Variants in HTR7 observed in about 807,000 individuals in gnomAD.
The protein encoded by HTR7 is 5-HT-7.
HTR7 carries 16 observed loss-of-function variants against 34.0 expected under a neutral mutation model. That is an observed-to-expected ratio of 0.47 (90% CI 0.32 to 0.71). HTR7 has a LOEUF of 0.71. HTR7 is among the 30% of genes least tolerant of loss of function. The pLI is 0.04. For missense variants in HTR7, 504 were observed against 625.5 expected (o/e 0.81, Z 2.07); for synonymous variants, 265 against 260.2 (o/e 1.02, Z -0.18).
At chr10:90,817,970 C>T (rs79576879) in intron 1 of HTR7, among the ~76,000 whole-genome samples, 9,317 of 152,256 alleles carry the variant, frequency 0.061, 361 homozygotes, top group Non-Finnish European at 0.094. Context: ...CAAAAGAATA[C>T]ATATTTTATG....
In HTR7 at chr10:90,783,433, T is replaced by G. The variant is rs149334909; in HGVS notation, c.540-33839A>C. On this transcript the variant is annotated intron_variant, in intron 1 of 3. Coordinates refer to ENST00000336152, the MANE Select transcript of HTR7 (RefSeq NM_019859.4). ...AGAATGCAGCCTTTATATTCAAAGT[T>G]CTGGGTCGCCAGAAATCAGCACCTA... Among the ~76,000 whole-genome samples the G allele has an allele frequency of 2.0e-3, 299 of 152,280 alleles. 1 individual carries two copies. The highest frequency in any genetic ancestry group is 3.4e-3 in the Non-Finnish European group (229 of 68,028).
At chr10:90,743,860 A>C in intron 2 of HTR7, 170 bp from the exon 3 acceptor site, 1 of 726,428 alleles carries the variant, frequency 1.4e-6, no homozygotes, top group South Asian at 1.5e-5. Flanking sequence ...CCAGTGCAAA[A>C]GTATTCACAG....
intron 1 of HTR7, among the ~76,000 whole-genome samples, chr10:90,831,519 T>C (rs918241657): frequency 3.3e-5 from 5 of 152,184 alleles, no homozygotes; most frequent in African/African-American, 1.2e-4. Flanking sequence ...AGTAGCAAGA[T>C]CTATTGCAAA....
At chr10:90,833,448 C>A (rs551434692) in intron 1 of HTR7, among the ~76,000 whole-genome samples, 102 of 152,264 alleles carry the variant, frequency 6.7e-4, no homozygotes, top group African/African-American at 2.4e-3. Flanking sequence ...ATTATCTAAG[C>A]CTTTCCTTAT....
intron 1 of HTR7, among the ~76,000 whole-genome samples, chr10:90,844,293 G>C (rs1264487156): frequency 6.6e-6 from 1 of 152,160 alleles, no homozygotes; most frequent in Non-Finnish European, 1.5e-5. Flanking sequence ...AAATATGGAT[G>C]CATGAGTCCC....
intron 1 of HTR7, among the ~76,000 whole-genome samples, chr10:90,820,819 G>GT (rs1255969718): frequency 6.6e-6 from 1 of 152,118 alleles, no homozygotes; most frequent in Non-Finnish European, 1.5e-5. Flanking sequence ...TTGAAAAATA[G>GT]TAAGTGGAAC....
At chr10:90,768,343 G>A (rs1845054287) in intron 1 of HTR7, among the ~76,000 whole-genome samples, 1 of 152,026 alleles carries the variant, frequency 6.6e-6, no homozygotes, top group Non-Finnish European at 1.5e-5. Context: ...TTCTTTTAAT[G>A]TTATTTATTT....
intron 1 of HTR7, among the ~76,000 whole-genome samples, chr10:90,835,844 T>C (rs1156387132): frequency 6.6e-6 from 1 of 152,086 alleles, no homozygotes; most frequent in East Asian, 1.9e-4. Flanking sequence ...TGTGGCACTT[T>C]AGCTGAATCT....
chr10:90,786,104 A>C (rs1310623850), intron 1 of HTR7, among the ~76,000 whole-genome samples: 1 of 152,206 alleles, frequency 6.6e-6, no homozygotes, highest in African/African-American at 2.4e-5. Flanking sequence ...TTTATCTCTA[A>C]CCTGGGCCAA....
chr10:90,770,727 G>T (rs1170599196), intron 1 of HTR7, among the ~76,000 whole-genome samples: 2 of 152,228 alleles, frequency 1.3e-5, no homozygotes, highest in African/African-American at 4.8e-5. Context: ...GGGTGCTGAG[G>T]GCAGCTCGGC....
rs141693279 is a variant in HTR7, at chr10:90,795,812, C to T, written c.540-46218G>A. Among the ~76,000 whole-genome samples, 40 of 152,156 alleles carry T rather than the reference C, an allele frequency of 2.6e-4. No homozygotes were observed. In the East Asian group the frequency reaches 5.4e-3, roughly 21 times the overall value. On this transcript the variant is annotated intron_variant, in intron 1 of 3. Transcript: ENST00000336152. Reference sequence around the variant, plus strand: ...GATTTACATTGGTACATTGGAAGGGCGGGACAACTTGAAGCTTGCAGGGAT... The same window carrying T: ...GATTTACATTGGTACATTGGAAGGGTGGGACAACTTGAAGCTTGCAGGGAT...
chr10:90,772,994 T>G (rs1463233338), intron 1 of HTR7, among the ~76,000 whole-genome samples: 1 of 152,210 alleles, frequency 6.6e-6, no homozygotes, highest in East Asian at 1.9e-4. Flanking sequence ...CAGAGCTTCC[T>G]CTTAACCAAT....
At chr10:90,823,321 C>T (rs907746204) in intron 1 of HTR7, among the ~76,000 whole-genome samples, 2 of 152,184 alleles carry the variant, frequency 1.3e-5, no homozygotes, top group Admixed American at 1.3e-4. Context: ...GTCAGTATGG[C>T]CTACAAATGA....
intron 1 of HTR7, among the ~76,000 whole-genome samples, chr10:90,848,893 C>A (rs1366001159): frequency 1.3e-5 from 2 of 152,176 alleles, no homozygotes; most frequent in Admixed American, 6.5e-5. Flanking sequence ...CAACCCCAGA[C>A]TTTTGAAATC....
intron 1 of HTR7, among the ~76,000 whole-genome samples, chr10:90,829,069 C>T (rs1846126314): frequency 6.6e-6 from 1 of 152,054 alleles, no homozygotes; most frequent in African/African-American, 2.4e-5. Flanking sequence ...GGGATTTATC[C>T]CAGGTATGCA....
intron 1 of HTR7, among the ~76,000 whole-genome samples, chr10:90,752,872 A>C (rs1484705178): frequency 6.6e-6 from 1 of 152,214 alleles, no homozygotes; most frequent in Non-Finnish European, 1.5e-5. Flanking sequence ...TCATGTAAAA[A>C]AATTAAACCC....
At chr10:90,743,256 C>T (rs1844582406) in intron 3 of HTR7, among the ~76,000 whole-genome samples, 2 of 152,182 alleles carry the variant, frequency 1.3e-5, no homozygotes, top group Admixed American at 1.3e-4. Flanking sequence ...CTTTGAGGTC[C>T]CCCTCTCAGC....
At chr10:90,795,920 A>G (rs191229333) in intron 1 of HTR7, among the ~76,000 whole-genome samples, 1 of 152,302 alleles carries the variant, frequency 6.6e-6, no homozygotes, top group East Asian at 1.9e-4. Context: ...GGTTATTATC[A>G]ATAGAAAGGA....
At chr10:90,854,002 C>T (rs1846540375) in intron 1 of HTR7, among the ~76,000 whole-genome samples, 1 of 152,120 alleles carries the variant, frequency 6.6e-6, no homozygotes. Context: ...GAAGTGAGGC[C>T]AGAGGCCAAA....
Sources: allele counts gnomAD v4.1 joint callset (sites outside exome capture counted in the v4.1 genomes callset), GRCh38; gene constraint gnomAD v4.1.1; transcripts MANE v1.5; gene names NCBI Gene and HGNC (gene_info 2026-07-23, HGNC 2026-07-21).